RAB3C: variants seen among roughly 807,000 people sequenced by gnomAD.
The protein encoded by RAB3C is ras-related protein Rab-3C.
RAB3C carries 17 observed loss-of-function variants against 26.4 expected under a neutral mutation model. The ratio of observed to expected loss-of-function variants is 0.64; its 90% CI spans 0.44 to 0.97. The LOEUF (loss-of-function observed/expected upper bound fraction) is 0.97, where lower values mean the gene tolerates loss of function less well. Ranked by LOEUF, RAB3C falls within the 50% of genes least tolerant of loss-of-function variation. The probability of loss-of-function intolerance (pLI) is 0.00; values close to 1 mark genes in which losing one functional copy is unlikely to be tolerated. For missense variants in RAB3C, 242 were observed against 281.9 expected (o/e 0.86, Z 1.01); for synonymous variants, 91 against 95.9 (o/e 0.95, Z 0.30).
chr5:58,582,857 G>C (rs1745928869), upstream of RAB3C, among the ~76,000 whole-genome samples: 1 of 152,232 alleles, frequency 6.6e-6, no homozygotes, highest in Non-Finnish European at 1.5e-5. Flanking sequence ...GGGAGACTGG[G>C]AGAGGTAACC....
intron 2 of RAB3C, among the ~76,000 whole-genome samples, chr5:58,700,393 T>C (rs1748816854): frequency 6.6e-6 from 1 of 152,168 alleles, no homozygotes; most frequent in Non-Finnish European, 1.5e-5. Flanking sequence ...AGAATGCATT[T>C]TGTGTGTGTG....
chr5:58,700,852 T>C (rs1748826885), intron 2 of RAB3C, among the ~76,000 whole-genome samples: 1 of 152,226 alleles, frequency 6.6e-6, no homozygotes, highest in Non-Finnish European at 1.5e-5. Flanking sequence ...GAGCACTTGG[T>C]TTGGTGAGCC....
chr5:58,700,910 T>C (rs1350704057), intron 2 of RAB3C, among the ~76,000 whole-genome samples: 2 of 152,192 alleles, frequency 1.3e-5, no homozygotes, highest in Non-Finnish European at 2.9e-5. Flanking sequence ...TCCTCCTTTA[T>C]GGATAGACCT....
chr5:58,684,989 G>C (rs887883232), intron 2 of RAB3C, among the ~76,000 whole-genome samples: 1 of 152,178 alleles, frequency 6.6e-6, no homozygotes, highest in Admixed American at 6.5e-5. Flanking sequence ...ATATGTTACT[G>C]ATAATATGTT....
intron 2 of RAB3C, among the ~76,000 whole-genome samples, chr5:58,685,636 G>A (rs1289150913): frequency 6.6e-6 from 1 of 152,032 alleles, no homozygotes; most frequent in Non-Finnish European, 1.5e-5. Flanking sequence ...GAGAGAACTG[G>A]CTCAAGCTGA....
At chr5:58,810,789 G>A (rs1743059485) in intron 3 of RAB3C, among the ~76,000 whole-genome samples, 1 of 152,122 alleles carries the variant, frequency 6.6e-6, no homozygotes. Flanking sequence ...TAGAGACGGG[G>A]TTTCGCCATG....
chr5:58,766,273 C>T (rs1291282240), intron 3 of RAB3C, among the ~76,000 whole-genome samples: 1 of 152,084 alleles, frequency 6.6e-6, no homozygotes, highest in Non-Finnish European at 1.5e-5. Flanking sequence ...TGTGCCACCA[C>T]ATTCAGCTAA....
chr5:58,709,518 T>C (rs1009612588), intron 2 of RAB3C, among the ~76,000 whole-genome samples: 2 of 152,196 alleles, frequency 1.3e-5, no homozygotes, highest in Admixed American at 6.5e-5. Context: ...CTGTTTTGAA[T>C]GAAGATGTAT....
At chr5:58,669,151 G>A (rs1181491942) in intron 2 of RAB3C, among the ~76,000 whole-genome samples, 2 of 151,926 alleles carry the variant, frequency 1.3e-5, no homozygotes, top group African/African-American at 2.4e-5. Flanking sequence ...AATTTTGGGG[G>A]GACAAAATTT....
At chr5:58,705,151 A>C (rs1326861957) in intron 2 of RAB3C, among the ~76,000 whole-genome samples, 1 of 152,182 alleles carries the variant, frequency 6.6e-6, no homozygotes, top group Non-Finnish European at 1.5e-5. Context: ...ATGTAACACT[A>C]AAGGAAGGTA....
intron 3 of RAB3C, among the ~76,000 whole-genome samples, chr5:58,810,385 C>G (rs374469488): frequency 2.0e-3 from 295 of 146,992 alleles, no homozygotes; most frequent in African/African-American, 5.4e-3. Context: ...CTCTCTCTCT[C>G]TGTGTGTGTG....
intron 3 of RAB3C, among the ~76,000 whole-genome samples, chr5:58,736,390 G>C (rs948668605): frequency 1.3e-5 from 2 of 152,188 alleles, no homozygotes; most frequent in Non-Finnish European, 1.5e-5. Context: ...GTCCACCTTT[G>C]CATACTTGAC....
chr5:58,803,094 T>C (rs906641316), intron 3 of RAB3C, among the ~76,000 whole-genome samples: 3 of 152,226 alleles, frequency 2.0e-5, no homozygotes, highest in Admixed American at 6.5e-5. Flanking sequence ...TATTGAGCTA[T>C]GTAGAGGCTG....
intron 1 of RAB3C, among the ~76,000 whole-genome samples, chr5:58,615,985 G>GACACACACAC (rs58004467): frequency 0.06 from 8,959 of 149,596 alleles, 373 homozygotes; most frequent in East Asian, 0.14. Flanking sequence ...CACACACACA[G>GACACACACAC]ACACACACAC....
chr5:58,615,981 C>G (rs1579818521), intron 1 of RAB3C, among the ~76,000 whole-genome samples: 1 of 92,238 alleles, frequency 1.1e-5, no homozygotes, highest in Non-Finnish European at 2.2e-5. Context: ...TGTACACACA[C>G]ACAGACACAC....
intron 4 of RAB3C, among the ~76,000 whole-genome samples, chr5:58,845,523 G>A (rs776834275): frequency 4.7e-5 from 7 of 149,750 alleles, no homozygotes; most frequent in African/African-American, 1.2e-4. Context: ...TTCCCCAATC[G>A]GCCATGGGGT....
At chr5:58,612,119 G>C (rs1235226098) in intron 1 of RAB3C, among the ~76,000 whole-genome samples, 1 of 152,088 alleles carries the variant, frequency 6.6e-6, no homozygotes, top group Non-Finnish European at 1.5e-5. Flanking sequence ...GTATCATGCT[G>C]TTTTGGTTAT....
At chr5:58,666,696 G>C (rs922303054) in intron 2 of RAB3C, among the ~76,000 whole-genome samples, 3 of 152,184 alleles carry the variant, frequency 2.0e-5, no homozygotes, top group African/African-American at 7.2e-5. Context: ...GTGGAAATCA[G>C]CTGGAAGCCT....
chr5:58,684,251 T>C (rs1222564888), intron 2 of RAB3C, among the ~76,000 whole-genome samples: 1 of 152,248 alleles, frequency 6.6e-6, no homozygotes, highest in Non-Finnish European at 1.5e-5. Context: ...GTAAGTTATA[T>C]GCGAATACTA....
Sources: gnomAD v4.1 joint callset for allele counts (sites outside exome capture counted in the v4.1 genomes callset) on GRCh38, gnomAD v4.1.1 for gene constraint, MANE v1.5 for transcripts, NCBI Gene and HGNC (gene_info 2026-07-23, HGNC 2026-07-21) for gene names.